The following DNM1L variants were observed in gnomAD, a reference collection of about 807,000 sequenced individuals.
DNM1L encodes dynamin-1-like protein.
A neutral mutation model predicts 92.8 loss-of-function variants in DNM1L; 33 were observed. The observed-to-expected ratio is 0.36, with a 90% CI of 0.27 to 0.48. The LOEUF is 0.48. Ranked by LOEUF, DNM1L falls within the 20% of genes least tolerant of loss-of-function variation. The pLI is 0.99. For synonymous variants in DNM1L, 284 were observed against 305.0 expected, an observed-to-expected ratio of 0.93 and a Z score of 0.72; for missense variants, 485 against 888.8, an observed-to-expected ratio of 0.55 and a Z score of 5.78.
intron 9 of DNM1L, chr12:32,727,339 C>A: frequency 1.3e-6 from 1 of 799,432 alleles, no homozygotes; most frequent in Non-Finnish European, 2.3e-6. Flanking sequence ...CCTCTTTTAA[C>A]TACCCTAGCT....
At chr12:32,707,549 T>C (rs538685746) in intron 3 of DNM1L, 136 bp downstream of exon 3, 3 of 613,166 alleles carry the variant, frequency 4.9e-6, no homozygotes, top group Non-Finnish European at 7.8e-6. Context: ...AAATAAATCT[T>C]AGTAACATTT....
In DNM1L at chr12:32,680,126, G is replaced by T. The variant is rs186983457; in HGVS notation, c.102+661G>T. ...GGGAAGGAATATCCGATTTTTCTGC[G>T]TAGGCTGTGCTTTTTGTCTTCCACA... On this transcript the variant is annotated intron_variant, in intron 1 of 19. Transcript: ENST00000549701. 1,316 of 627,484 alleles carry T rather than the reference G, an allele frequency of 2.1e-3. 5 individuals carry two copies. The highest frequency in any genetic ancestry group is 0.016 in the South Asian group (227 of 14,242). 38.9% of individuals were successfully genotyped at this position (627,484 alleles called of 1,614,324 possible).
Position 32,722,551 on chromosome 12 carries a change from T to G in DNM1L, c.997T>G (p.Leu333Val). 1 of 1,613,488 alleles carries G rather than the reference T, an allele frequency of 6.2e-7. No homozygotes were observed. The highest frequency in any genetic ancestry group is 8.5e-7 in the Non-Finnish European group (1 of 1,179,966). ...GEPVDDKSAT[L>V]LQLITKFATE... Reference sequence around the variant, plus strand: ...ACCCGTGGATGATAAAAGTGCTACTTTACTCCAACTTATTACCAAATTTGC... The same window carrying G: ...ACCCGTGGATGATAAAAGTGCTACTGTACTCCAACTTATTACCAAATTTGC... The change falls in exon 9 of 20, where the codon TTA (leucine) becomes GTA (valine). Residue 333 changes from leucine (L) to valine (V), a missense_variant. Physicochemically the swap from Leu to Val is conservative, Grantham distance 32. Around this residue, in one of 11 missense-constraint regions of DNM1L, gnomAD observed 40 missense variants for 128.7 expected, o/e 0.31. Coordinates refer to ENST00000549701, the MANE Select transcript of DNM1L (RefSeq NM_012062.5).
chr12:32,740,820 A>C (rs1222813274), intron 18 of DNM1L, among the ~76,000 whole-genome samples: 1 of 152,220 alleles, frequency 6.6e-6, no homozygotes, highest in African/African-American at 2.4e-5. Context: ...TAGTTTCATT[A>C]ATTATTTTGG....
Position 32,713,356 on chromosome 12 carries a change from G to C in DNM1L, c.604G>C (p.Glu202Gln). Reference sequence around the variant, plus strand: ...ATCAGAGGCACTTAAAATTTCAAGAGAGGTAGATCCAGATGGTAAGGACAG... The same window carrying C: ...ATCAGAGGCACTTAAAATTTCAAGACAGGTAGATCCAGATGGTAAGGACAG... Reference protein sequence around the residue: ...ATSEALKISREVDPDGRRTLA... With the variant: ...ATSEALKISRQVDPDGRRTLA... The change falls in exon 6 of 20, where the codon GAG (glutamate) becomes CAG (glutamine). Residue 202 changes from glutamate to glutamine, a missense_variant. By Grantham distance (29) the Glu-to-Gln change is conservative. Around this residue, in one of 11 missense-constraint regions of DNM1L, gnomAD observed 159 missense variants for 275.9 expected, o/e 0.58. Coordinates refer to ENST00000549701, the MANE Select transcript of DNM1L (RefSeq NM_012062.5). 6.2e-7 allele frequency: 1 copy of C among 1,613,902 alleles called. No individual in the cohort carries two copies. The highest frequency in any genetic ancestry group is 8.5e-7 in the Non-Finnish European group (1 of 1,179,938).
At chr12:32,735,716 T>C (rs923841407) in intron 13 of DNM1L, among the ~76,000 whole-genome samples, 1 of 151,838 alleles carries the variant, frequency 6.6e-6, no homozygotes, top group Admixed American at 6.6e-5. Flanking sequence ...CTGTCTCTAC[T>C]AAAAATAGAA....
chr12:32,718,000 T>C (rs2137417910), intron 6 of DNM1L, among the ~76,000 whole-genome samples: 1 of 117,794 alleles, frequency 8.5e-6, no homozygotes, highest in South Asian at 2.4e-4. Flanking sequence ...GTATAGTATA[T>C]ATAATATATA....
At chr12:32,729,371 G>A (rs1285319539) in intron 9 of DNM1L, among the ~76,000 whole-genome samples, 1 of 151,992 alleles carries the variant, frequency 6.6e-6, no homozygotes, top group Non-Finnish European at 1.5e-5. Context: ...ATGAGCCACC[G>A]CGCCCAGCCG....
intron 2 of DNM1L, 76 bp downstream of exon 2, chr12:32,701,638 A>T: frequency 1.2e-5 from 16 of 1,345,042 alleles, no homozygotes; most frequent in Non-Finnish European, 1.7e-5. Flanking sequence ...TGAATTGATT[A>T]GATAATTAGA....
chr12:32,687,812 G>T (rs1333330815), intron 1 of DNM1L, among the ~76,000 whole-genome samples: 1 of 152,010 alleles, frequency 6.6e-6, no homozygotes, highest in African/African-American at 2.4e-5. Context: ...TTTGATTACT[G>T]TAGCTTTGGA....
rs200948255 is a variant in DNM1L, at chr12:32,731,828, G to A, written c.1357-26G>A. ...TAAAAAAAAAACAAAAAACAAACAC[G>A]TTTTTCTTTCATCTACCATTTGTAG... On this transcript the variant is annotated intron_variant, in intron 11 of 19. Transcript: ENST00000549701. The surrounding 1 kb of genome is among the most constrained non-coding windows in gnomAD (Gnocchi z 5.1). The A allele has an allele frequency of 3.1e-5, 46 of 1,481,290 alleles. No individual in the cohort carries two copies. The African/African-American group carries it at 5.4e-4, about 17-fold the overall frequency. 91.8% of individuals were successfully genotyped at this position (1,481,290 alleles called of 1,614,324 possible).
At chr12:32,701,230 C>T (rs1414544635) in intron 1 of DNM1L, among the ~76,000 whole-genome samples, 185 bp from the exon 2 acceptor site, 3 of 151,024 alleles carry the variant, frequency 2.0e-5, no homozygotes, top group Middle Eastern at 3.4e-3. Flanking sequence ...GAGCCGAGAT[C>T]GTGCCATTGC....
intron 9 of DNM1L, among the ~76,000 whole-genome samples, chr12:32,724,629 TAATTA>T (rs1954010194): frequency 1.4e-5 from 2 of 140,314 alleles, no homozygotes; most frequent in South Asian, 4.4e-4. Flanking sequence ...TAAATTATAT[TAATTA>T]AATATAAATT....
rs1954713958 is a variant in DNM1L at position 32,733,866 on chromosome 12, T to C, written c.1539+59T>C. 4.2e-6 allele frequency: 6 copies of C among 1,437,802 alleles called. No individual in the cohort carries two copies. In the African/African-American group the frequency reaches 7.0e-5, roughly 17 times the overall value. The allele number at this position is 1,437,802 out of a possible 1,614,324, so 89.1% of individuals were successfully genotyped here. On this transcript the variant is annotated intron_variant, in intron 13 of 19. Transcript: ENST00000549701. ...AGAAAAATCTGTTGTAACTCAGTTA[T>C]ATCAAACTTATTTAGCATGGAGTAA...
chr12:32,696,386 A>ACG (rs1267604894), intron 1 of DNM1L, among the ~76,000 whole-genome samples: 1 of 77,026 alleles, frequency 1.3e-5, no homozygotes, highest in Non-Finnish European at 2.9e-5. Flanking sequence ...ACACACAAAC[A>ACG]CACACACACA....
intron 5 of DNM1L, among the ~76,000 whole-genome samples, chr12:32,711,665 G>C (rs1381288915): frequency 6.6e-6 from 1 of 151,956 alleles, no homozygotes; most frequent in Non-Finnish European, 1.5e-5. Flanking sequence ...AGATCAAGGT[G>C]GGAGGAATTC....
intron 1 of DNM1L, among the ~76,000 whole-genome samples, chr12:32,696,383 A>AAC (rs58224525): frequency 0.44 from 63,127 of 144,658 alleles, 14,019 homozygotes; most frequent in East Asian, 0.58. Context: ...CACACACACA[A>AAC]ACACACACAC....
intron 8 of DNM1L, among the ~76,000 whole-genome samples, chr12:32,721,029 G>A (rs927739664): frequency 1.3e-5 from 2 of 152,120 alleles, no homozygotes; most frequent in Admixed American, 6.6e-5. Flanking sequence ...TTTTAATTAC[G>A]AAAATTTTGA....
At chr12:32,686,582 T>C (rs574313858) in intron 1 of DNM1L, among the ~76,000 whole-genome samples, 2 of 152,354 alleles carry the variant, frequency 1.3e-5, no homozygotes, top group African/African-American at 4.8e-5. Context: ...TTTTAGCTGT[T>C]GTGAATAGTG....
Sources: allele counts gnomAD v4.1 joint callset (sites outside exome capture counted in the v4.1 genomes callset), GRCh38; gene constraint gnomAD v4.1.1; regional missense constraint gnomAD v4.1.1; non-coding constraint Gnocchi (gnomAD v3.1); transcripts MANE v1.5; gene names NCBI Gene and HGNC (gene_info 2026-07-23, HGNC 2026-07-21).